The following COLEC12 variants were observed in gnomAD, a reference collection of about 807,000 sequenced individuals.
COLEC12 encodes collectin-12.
COLEC12 carries 33 observed loss-of-function variants against 71.1 expected under a neutral mutation model. The observed-to-expected ratio is 0.46, with a 90% confidence interval of 0.35 to 0.62. The LOEUF is 0.62. Among genes scored for constraint, COLEC12 ranks in the 20% least tolerant of loss-of-function variants. The pLI is 0.00. For synonymous variants in COLEC12, 350 were observed against 353.0 expected, an observed-to-expected ratio of 0.99 and a Z score of 0.10; for missense variants, 765 against 916.1, an observed-to-expected ratio of 0.84 and a Z score of 2.13.
intron 2 of COLEC12, among the ~76,000 whole-genome samples, chr18:457,942 T>A (rs1448330204): frequency 1.3e-5 from 2 of 152,144 alleles, no homozygotes; most frequent in Non-Finnish European, 2.9e-5. Context: ...AATTGGAAAT[T>A]TATATAAGTT....
chr18:339,557 C>T (rs1171814175), intron 5 of COLEC12, among the ~76,000 whole-genome samples: 1 of 142,028 alleles, frequency 7.0e-6, no homozygotes, highest in East Asian at 1.9e-4. Context: ...ATCCGAAGTA[C>T]TACATCTATC....
intron 2 of COLEC12, among the ~76,000 whole-genome samples, chr18:434,485 CA>C (rs1287100637): frequency 6.6e-6 from 1 of 152,192 alleles, no homozygotes; most frequent in Admixed American, 6.5e-5. Context: ...GCTCGGAGTC[CA>C]TGTTTCCATT....
chr18:411,572 AAAAAT>A (rs1478803460), intron 2 of COLEC12, among the ~76,000 whole-genome samples: 1 of 152,240 alleles, frequency 6.6e-6, no homozygotes, highest in African/African-American at 2.4e-5. Flanking sequence ...TTTAGAACTA[AAAAAT>A]AAATAACCAA....
chr18:382,273 T>C (rs188830679), intron 2 of COLEC12, among the ~76,000 whole-genome samples: 1 of 152,206 alleles, frequency 6.6e-6, no homozygotes, highest in South Asian at 2.1e-4. Flanking sequence ...AGTCCCTGTA[T>C]AAATCAGATA....
At chr18:335,505 G>A (rs1197747345) in intron 5 of COLEC12, among the ~76,000 whole-genome samples, 6 of 152,102 alleles carry the variant, frequency 3.9e-5, no homozygotes, top group African/African-American at 1.4e-4. Flanking sequence ...GTTAAAACGA[G>A]GTGACATGAG....
intron 2 of COLEC12, among the ~76,000 whole-genome samples, chr18:434,503 T>C (rs1343279968): frequency 6.6e-6 from 1 of 152,212 alleles, no homozygotes; most frequent in African/African-American, 2.4e-5. Flanking sequence ...CATTACTATA[T>C]TGCATAAGCA....
rs570995547 is a variant in COLEC12 at position 368,726 on chromosome 18, C to T, written c.59-11204G>A. Among the ~76,000 whole-genome samples the T allele has an allele frequency of 8.9e-3, 1,352 of 152,102 alleles. 20 individuals carry two copies. Among genetic ancestry groups the T allele is most frequent in the African/African-American group, 0.026 (1,080 of 41,484 alleles). ...AAAAAATACAAAAAAATTAGCCGGGCGTGGTGGCGGGCGCCTGTAGTCCCA... is the reference window on the plus strand; with the variant it reads ...AAAAAATACAAAAAAATTAGCCGGGTGTGGTGGCGGGCGCCTGTAGTCCCA... On this transcript the variant is annotated intron_variant, in intron 2 of 9. Coordinates refer to ENST00000400256, the MANE Select transcript of COLEC12 (RefSeq NM_130386.3).
Position 492,660 on chromosome 18 carries a change from C to T in COLEC12, c.7+7848G>A, listed in dbSNP as rs533537904. ...GGCCTCAAATACATGGGTGATTTGG[C>T]AAGAAAAACTAATGCTGTCCATTTC... On this transcript the variant is annotated intron_variant, in intron 1 of 9. Coordinates refer to ENST00000400256, the MANE Select transcript of COLEC12 (RefSeq NM_130386.3). 1.2e-4 allele frequency among the ~76,000 whole-genome samples: 18 copies of T among 149,974 alleles called. No homozygotes were observed. In the South Asian group the frequency reaches 3.8e-3, roughly 32 times the overall value.
intron 2 of COLEC12, among the ~76,000 whole-genome samples, chr18:371,428 G>A (rs375916756): frequency 4.6e-5 from 7 of 152,172 alleles, no homozygotes; most frequent in African/African-American, 7.2e-5. Flanking sequence ...CAGACACGCC[G>A]CAACTGGGCA....
chr18:359,864 C>T lies in COLEC12; in HGVS notation c.59-2342G>A, dbSNP rs1003428293. 8.5e-5 allele frequency among the ~76,000 whole-genome samples: 13 copies of T among 152,318 alleles called. 1 individual carries two copies. The South Asian group carries it at 2.7e-3, about 32-fold the overall frequency. ...ATTAAGCCACAGTTGAAGTTTCTCTCCTTTGGTTTGTAATTTTACGCATAG... is the reference window on the plus strand; with the variant it reads ...ATTAAGCCACAGTTGAAGTTTCTCTTCTTTGGTTTGTAATTTTACGCATAG... On this transcript the variant is annotated intron_variant, in intron 2 of 9. Coordinates refer to ENST00000400256, the MANE Select transcript of COLEC12 (RefSeq NM_130386.3).
chr18:421,055 G>C (rs1940431), intron 2 of COLEC12, among the ~76,000 whole-genome samples: 147,973 of 152,302 alleles, frequency 0.97, 72,028 homozygotes, highest in East Asian at 1. Context: ...CCCATGGAAA[G>C]CCTAATAAAG....
At chr18:383,780 G>A (rs185335525) in intron 2 of COLEC12, among the ~76,000 whole-genome samples, 14 of 152,214 alleles carry the variant, frequency 9.2e-5, no homozygotes, top group Admixed American at 7.2e-4. Flanking sequence ...AGACATACCC[G>A]AGACTGGATA....
At chr18:375,390 T>C (rs574132208) in intron 2 of COLEC12, among the ~76,000 whole-genome samples, 1 of 152,226 alleles carries the variant, frequency 6.6e-6, no homozygotes, top group Non-Finnish European at 1.5e-5. Flanking sequence ...TTCGGGTTTT[T>C]ACTTAAAAAC....
chr18:457,310 G>A (rs187679806), intron 2 of COLEC12, among the ~76,000 whole-genome samples: 203 of 152,268 alleles, frequency 1.3e-3, no homozygotes, highest in African/African-American at 4.4e-3. Context: ...CTGCAGCGCC[G>A]AAGGAGATTC....
chr18:476,841 A>G (rs781515475), intron 2 of COLEC12, among the ~76,000 whole-genome samples: 8 of 152,264 alleles, frequency 5.3e-5, no homozygotes, highest in Non-Finnish European at 1.0e-4. Flanking sequence ...GCCAAATTGT[A>G]ACTATAGTTA....
chr18:488,898 A>C (rs1224369175), intron 1 of COLEC12, among the ~76,000 whole-genome samples: 5 of 151,898 alleles, frequency 3.3e-5, no homozygotes, highest in Admixed American at 2.0e-4. Flanking sequence ...AAAAGAAAAG[A>C]AAATCAATTT....
intron 2 of COLEC12, among the ~76,000 whole-genome samples, chr18:464,770 C>T (rs888160625): frequency 1.3e-5 from 2 of 152,232 alleles, no homozygotes; most frequent in East Asian, 1.9e-4. Flanking sequence ...ACAACATATA[C>T]TGTTCAATCT....
intron 2 of COLEC12, among the ~76,000 whole-genome samples, chr18:392,199 G>A (rs927185277): frequency 5.9e-5 from 9 of 152,158 alleles, no homozygotes; most frequent in African/African-American, 2.2e-4. Flanking sequence ...TACAGTGTTT[G>A]TAATTTTTCA....
intron 8 of COLEC12, among the ~76,000 whole-genome samples, chr18:324,342 G>A (rs1913784180): frequency 6.6e-6 from 1 of 152,190 alleles, no homozygotes; most frequent in South Asian, 2.1e-4. Flanking sequence ...GCTGAAGTCT[G>A]GGGCTCAAAG....
Sources: gnomAD v4.1 joint callset for allele counts (sites outside exome capture counted in the v4.1 genomes callset) on GRCh38, gnomAD v4.1.1 for gene constraint, MANE v1.5 for transcripts, NCBI Gene and HGNC (gene_info 2026-07-23, HGNC 2026-07-21) for gene names.